Variants in FAM91A1 observed in about 807,000 individuals in gnomAD.
FAM91A1 encodes family with sequence similarity 91 member A1, also known as protein FAM91A1.
In FAM91A1, 41 loss-of-function variants were observed where a neutral mutation model predicts 113.5. The ratio of observed to expected loss-of-function variants is 0.36; its 90% confidence interval spans 0.28 to 0.47. The LOEUF is 0.47. Among genes scored for constraint, FAM91A1 ranks in the 20% least tolerant of loss-of-function variants. FAM91A1 has a pLI of 1.00. For missense variants in FAM91A1, 696 were observed against 1,001.2 expected, an observed-to-expected ratio of 0.70 and a Z score of 4.11; for synonymous variants, 307 against 347.9, an observed-to-expected ratio of 0.88 and a Z score of 1.31.
At position 123,808,906 on chromosome 8, in the gene FAM91A1, A is replaced by G. The variant is rs1251134227; in HGVS notation, c.2151A>G (p.Glu717=). ...ATCCTTTCTTAGGTGCCACAACAGA[A>G]GCAGATTGGGTTCCTCTCGAGCTGT... ...ATKQTSGATT[E]ADWVPLELCF... is the part of the protein sequence containing the mutation. The change falls in exon 22 of 24, where the codon GAA becomes GAG. Residue 717 remains glutamate (E), a synonymous_variant. Coordinates refer to ENST00000334705, the MANE Select transcript of FAM91A1 (RefSeq NM_144963.4). 2.5e-6 allele frequency: 4 copies of G among 1,610,494 alleles called. No homozygotes were observed. The highest frequency in any genetic ancestry group is 3.4e-6 in the Non-Finnish European group (4 of 1,178,526).
chr8:123,796,562 G>A (rs896385551), intron 15 of FAM91A1, among the ~76,000 whole-genome samples: 2 of 149,668 alleles, frequency 1.3e-5, no homozygotes, highest in South Asian at 2.2e-4. Context: ...CGGGTCAACC[G>A]ATTCCCCTGC....
chr8:123,788,342 G>A, intron 14 of FAM91A1: 1 of 731,806 alleles, frequency 1.4e-6, no homozygotes, highest in Non-Finnish European at 1.7e-6. Context: ...TGGCCTCTTT[G>A]TATTCAAATA....
At chr8:123,771,810 T>G (rs968690443) in intron 1 of FAM91A1, among the ~76,000 whole-genome samples, 2 of 152,096 alleles carry the variant, frequency 1.3e-5, no homozygotes, top group African/African-American at 4.8e-5. Context: ...CAGAAAATCT[T>G]TGTGTTTTTA....
intron 18 of FAM91A1, among the ~76,000 whole-genome samples, chr8:123,803,304 C>G (rs1391042996): frequency 6.6e-6 from 1 of 151,422 alleles, no homozygotes; most frequent in Admixed American, 6.6e-5. Context: ...CAGACAGTAC[C>G]TGTTTTTATT....
intron 15 of FAM91A1, among the ~76,000 whole-genome samples, chr8:123,791,089 T>G (rs1815371479): frequency 6.6e-6 from 1 of 152,230 alleles, no homozygotes; most frequent in South Asian, 2.1e-4. Flanking sequence ...TAAAGCTGTC[T>G]TGAAATACAT....
Position 123,812,749 on chromosome 8 carries a change from T to C in FAM91A1, c.*45T>C, listed in dbSNP as rs1586401153. ...GCTCACACTTTCTGCCTTTTTTCTT[T>C]CTTAACGTTAGCTTTATAGTGTCAG... On this transcript the variant is annotated 3_prime_UTR_variant, in exon 24 of 24. Transcript: ENST00000334705. The C allele has an allele frequency of 6.9e-7, 1 of 1,455,580 alleles. No homozygotes were observed. The highest frequency in any genetic ancestry group is 9.1e-7 in the Non-Finnish European group (1 of 1,098,256). The allele number at this position is 1,455,580 out of a possible 1,614,324, so 90.2% of individuals were successfully genotyped here.
intron 12 of FAM91A1, among the ~76,000 whole-genome samples, chr8:123,787,044 A>G (rs894550374): frequency 1.3e-5 from 2 of 152,242 alleles, no homozygotes; most frequent in South Asian, 2.1e-4. Context: ...CCAAAGGGAA[A>G]CACAGCATAG....
chr8:123,791,464 C>G (rs185165377), intron 15 of FAM91A1, among the ~76,000 whole-genome samples: 25 of 152,192 alleles, frequency 1.6e-4, no homozygotes, highest in Admixed American at 1.6e-3. Context: ...TAAACCTATT[C>G]TCTATGAAAA....
intron 18 of FAM91A1, among the ~76,000 whole-genome samples, chr8:123,800,741 G>A (rs563055533): frequency 1.6e-4 from 24 of 152,154 alleles, no homozygotes; most frequent in African/African-American, 3.9e-4. Flanking sequence ...TAGATTTGCC[G>A]AATCTGGGCA....
At chr8:123,793,762 G>A (rs1815441302) in intron 15 of FAM91A1, among the ~76,000 whole-genome samples, 1 of 152,142 alleles carries the variant, frequency 6.6e-6, no homozygotes, top group African/African-American at 2.4e-5. Context: ...TGTTAGTTGT[G>A]CTCATTGCTT....
intron 16 of FAM91A1, 65 bp from the exon 17 acceptor site, chr8:123,799,455 G>A (rs746676062): frequency 2.4e-5 from 35 of 1,477,916 alleles, no homozygotes; most frequent in Non-Finnish European, 3.1e-5. Flanking sequence ...CTGTTTATAA[G>A]ACTGTTCTCG....
intron 14 of FAM91A1, 135 bp downstream of exon 14, chr8:123,787,885 A>G: frequency 1.6e-6 from 1 of 616,446 alleles, no homozygotes; most frequent in Non-Finnish European, 2.7e-6. Flanking sequence ...TCATTCCCCA[A>G]ATTAGTACTC....
chr8:123,804,633 G>C (rs1005006078), intron 18 of FAM91A1, among the ~76,000 whole-genome samples: 3 of 151,008 alleles, frequency 2.0e-5, no homozygotes, highest in Admixed American at 6.6e-5. Flanking sequence ...TATCCTTCCA[G>C]AGTGTCTTTA....
chr8:123,789,674 A>G lies in FAM91A1; in HGVS notation c.1340A>G (p.Asn447Ser). 1 of 1,612,748 alleles carries G rather than the reference A, an allele frequency of 6.2e-7. No homozygotes were observed. The highest frequency in any genetic ancestry group is 8.5e-7 in the Non-Finnish European group (1 of 1,179,818). ...RYFDHALTLR[N>S]TILFLRHNKD... ...TTTGATCATGCACTTACTCTGAGAA[A>G]CACAATACTGTTTCTGCGTCATAAC... Residue 447 changes from asparagine (N) to serine (S), a missense_variant, in exon 15 of 24, where the codon AAC becomes AGC. Transcript: ENST00000334705.
chr8:123,770,284 C>T (rs1422952514), intron 1 of FAM91A1, among the ~76,000 whole-genome samples: 1 of 152,174 alleles, frequency 6.6e-6, no homozygotes, highest in Non-Finnish European at 1.5e-5. Flanking sequence ...GTTTACTTTG[C>T]TCCCTTCCTC....
intron 3 of FAM91A1, among the ~76,000 whole-genome samples, chr8:123,775,640 G>A (rs985167830): frequency 6.6e-6 from 1 of 152,106 alleles, no homozygotes; most frequent in African/African-American, 2.4e-5. Flanking sequence ...TGAAAATGTG[G>A]GTGACAGAAT....
intron 6 of FAM91A1, among the ~76,000 whole-genome samples, chr8:123,778,992 T>C (rs957822984): frequency 1.3e-5 from 2 of 152,214 alleles, no homozygotes; most frequent in African/African-American, 4.8e-5. Context: ...AGTACAGTTA[T>C]CTGGGGATGT....
In FAM91A1 at chr8:123,808,614, A is replaced by G. The variant is rs1208426251; in HGVS notation, c.2137+238A>G. 2.6e-5 allele frequency: 13 copies of G among 506,586 alleles called. No homozygotes were observed. In the South Asian group the frequency reaches 3.6e-4, roughly 14 times the overall value. The allele number at this position is 506,586 out of a possible 1,614,324, so 31.4% of individuals were successfully genotyped here. A position where few individuals can be genotyped will look rare whatever the true frequency, so the allele number is the denominator to read the frequency against. On this transcript the variant is annotated intron_variant, in intron 21 of 23. Coordinates refer to ENST00000334705, the MANE Select transcript of FAM91A1 (RefSeq NM_144963.4). ...TGATTCATTCTCTCATCTTACAGAT[A>G]TCTTGCAATACTCTTTTTTGGGCAA...
chr8:123,776,391 C>T (rs1469808779), intron 3 of FAM91A1, among the ~76,000 whole-genome samples: 3 of 152,162 alleles, frequency 2.0e-5, no homozygotes, highest in African/African-American at 7.2e-5. Context: ...GCTGTTTGCT[C>T]CCTTCGTTAT....
Sources: allele counts gnomAD v4.1 joint callset (sites outside exome capture counted in the v4.1 genomes callset), GRCh38; gene constraint gnomAD v4.1.1; transcripts MANE v1.5; gene names NCBI Gene and HGNC (gene_info 2026-07-23, HGNC 2026-07-21).